The following EPHA3 variants were observed in gnomAD, a reference collection of about 807,000 sequenced individuals.
EPHA3 encodes EPH receptor A3, also known as ephrin type-A receptor 3.
In EPHA3, 42 loss-of-function variants were observed where a neutral mutation model predicts 107.1. That is an observed-to-expected ratio of 0.39 (90% CI 0.31 to 0.51). The LOEUF is 0.51. Ranked by LOEUF, EPHA3 falls within the 20% of genes least tolerant of loss-of-function variation. The probability of loss-of-function intolerance (pLI) is 0.78; values close to 1 mark genes in which losing one functional copy is unlikely to be tolerated. For synonymous variants in EPHA3, 461 were observed against 424.8 expected (o/e 1.09, Z -1.05); for missense variants, 1,183 against 1,211.2 (o/e 0.98, Z 0.35).
chr3:89,377,850 A>C (rs1576345436), intron 5 of EPHA3, among the ~76,000 whole-genome samples: 2 of 152,246 alleles, frequency 1.3e-5, no homozygotes, highest in African/African-American at 4.8e-5. Flanking sequence ...TTTTTCAACA[A>C]ATGGCTCTGA....
chr3:89,381,818 C>T (rs190719275), intron 5 of EPHA3, among the ~76,000 whole-genome samples: 1 of 152,256 alleles, frequency 6.6e-6, no homozygotes, highest in East Asian at 1.9e-4. Flanking sequence ...CACAATGATG[C>T]TAGAATGCGC....
intron 3 of EPHA3, among the ~76,000 whole-genome samples, chr3:89,261,491 G>A (rs376110524): frequency 1.3e-5 from 2 of 152,094 alleles, no homozygotes; most frequent in African/African-American, 4.8e-5. Context: ...TTTTTAAGTT[G>A]TGTGCATTGT....
intron 2 of EPHA3, among the ~76,000 whole-genome samples, chr3:89,192,032 T>C (rs1705728184): frequency 6.6e-6 from 1 of 152,202 alleles, no homozygotes; most frequent in African/African-American, 2.4e-5. Context: ...TTCCTTAATC[T>C]TTTGGCAGCT....
intron 3 of EPHA3, among the ~76,000 whole-genome samples, chr3:89,281,637 T>C (rs1053979465): frequency 2.6e-5 from 4 of 152,182 alleles, no homozygotes; most frequent in Non-Finnish European, 5.9e-5. Context: ...TTAAAATAAG[T>C]AATTTTATTT....
intron 3 of EPHA3, among the ~76,000 whole-genome samples, chr3:89,231,029 A>C (rs1171321100): frequency 6.6e-6 from 1 of 152,118 alleles, no homozygotes; most frequent in Non-Finnish European, 1.5e-5. Flanking sequence ...TATATTAATC[A>C]CACACAAAAC....
chr3:89,358,898 A>G (rs1708025126), intron 5 of EPHA3, among the ~76,000 whole-genome samples: 1 of 151,214 alleles, frequency 6.6e-6, no homozygotes, highest in Non-Finnish European at 1.5e-5. Flanking sequence ...AAATGCATGT[A>G]TCTGGTTTAT....
Position 89,345,352 on chromosome 3 carries a change from G to A in EPHA3, c.1306+3262G>A, listed in dbSNP as rs116269589. On this transcript the variant is annotated intron_variant, in intron 5 of 16. Transcript: ENST00000336596. ...AAATTGACATTTCCTCCCTTTACCAGTTTACCCTATTGGAATTCAGCATGT... is the reference window on the plus strand; with the variant it reads ...AAATTGACATTTCCTCCCTTTACCAATTTACCCTATTGGAATTCAGCATGT... Among the ~76,000 whole-genome samples, 651 of 151,186 alleles carry A rather than the reference G, an allele frequency of 4.3e-3. 32 individuals are homozygous for A. The highest frequency in any genetic ancestry group is 3.6e-3 in the Non-Finnish European group (245 of 67,544).
At chr3:89,268,257 A>G (rs1705584652) in intron 3 of EPHA3, among the ~76,000 whole-genome samples, 1 of 152,092 alleles carries the variant, frequency 6.6e-6, no homozygotes, top group African/African-American at 2.4e-5. Flanking sequence ...AAATTCTGAC[A>G]CTTAGTCTAC....
chr3:89,301,676 C>T (rs192280289), intron 3 of EPHA3, among the ~76,000 whole-genome samples: 153 of 152,212 alleles, frequency 1.0e-3, no homozygotes, highest in African/African-American at 3.5e-3. Context: ...GAGAGTTAAG[C>T]ATACAATATC....
At chr3:89,337,196 A>C (rs1707413179) in intron 3 of EPHA3, among the ~76,000 whole-genome samples, 1 of 152,234 alleles carries the variant, frequency 6.6e-6, no homozygotes, top group African/African-American at 2.4e-5. Flanking sequence ...ATTAAATAAA[A>C]GTTTAAATGA....
chr3:89,342,165 T>A, intron 5 of EPHA3, 75 bp downstream of exon 5: 2 of 1,365,122 alleles, frequency 1.5e-6, no homozygotes, highest in Non-Finnish European at 2.0e-6. Context: ...GGTGGAAAAC[T>A]GGGCGGAAGG....
intron 2 of EPHA3, among the ~76,000 whole-genome samples, chr3:89,201,217 A>G (rs1379370106): frequency 1.3e-5 from 2 of 152,020 alleles, no homozygotes; most frequent in Non-Finnish European, 2.9e-5. Context: ...ACACTTTCAA[A>G]CAAGCAGATC....
intron 5 of EPHA3, among the ~76,000 whole-genome samples, chr3:89,373,199 T>C (rs1708340958): frequency 6.6e-6 from 1 of 151,892 alleles, no homozygotes; most frequent in African/African-American, 2.4e-5. Flanking sequence ...TAAATAATTA[T>C]GTAAATCTTA....
intron 3 of EPHA3, among the ~76,000 whole-genome samples, chr3:89,293,861 C>T (rs1401123410): frequency 6.6e-6 from 1 of 152,116 alleles, no homozygotes; most frequent in Non-Finnish European, 1.5e-5. Flanking sequence ...CAGACTAATA[C>T]CGTCTGCCTC....
chr3:89,341,330 T>G (rs1707516617), intron 4 of EPHA3, among the ~76,000 whole-genome samples: 1 of 152,174 alleles, frequency 6.6e-6, no homozygotes, highest in Non-Finnish European at 1.5e-5. Context: ...CTTGTTTAGA[T>G]CCTGCATTAC....
chr3:89,304,551 C>CA (rs1706566405), intron 3 of EPHA3, among the ~76,000 whole-genome samples: 3 of 152,128 alleles, frequency 2.0e-5, no homozygotes, highest in Non-Finnish European at 4.4e-5. Flanking sequence ...AGGCCAGGAA[C>CA]AGTCTTTTCC....
At chr3:89,208,771 A>T (rs1475409040) in intron 2 of EPHA3, among the ~76,000 whole-genome samples, 2 of 152,188 alleles carry the variant, frequency 1.3e-5, no homozygotes, top group Non-Finnish European at 2.9e-5. Context: ...AAAAATTAAC[A>T]TGTGGTTTAG....
intron 3 of EPHA3, among the ~76,000 whole-genome samples, chr3:89,270,083 T>C (rs1169952998): frequency 2.0e-5 from 3 of 151,912 alleles, no homozygotes; most frequent in Non-Finnish European, 4.4e-5. Context: ...AGGCAGGTAG[T>C]ATATCTTCTG....
chr3:89,211,725 TTTCTTCTTCTTCTTCTCCTTC>T (rs1443900157), intron 3 of EPHA3, among the ~76,000 whole-genome samples: 13,582 of 112,012 alleles, frequency 0.12, 2,385 homozygotes, highest in South Asian at 0.14. Context: ...TCTTCTTCTT[TTTCTTCTTCTTCTTCTCCTTC>T]TTCTTCTTCT....
Sources: gnomAD v4.1 joint callset for allele counts (sites outside exome capture counted in the v4.1 genomes callset) on GRCh38, gnomAD v4.1.1 for gene constraint, MANE v1.5 for transcripts, NCBI Gene and HGNC (gene_info 2026-07-23, HGNC 2026-07-21) for gene names.